Variants in CNBD1 observed in about 807,000 individuals in gnomAD.
CNBD1 encodes cyclic nucleotide binding domain containing 1, also known as cyclic nucleotide-binding domain-containing protein 1.
CNBD1 carries 71 observed loss-of-function variants against 54.4 expected under a neutral mutation model. The ratio of observed to expected loss-of-function variants is 1.30; its 90% CI spans 1.08 to 1.59. The LOEUF (loss-of-function observed/expected upper bound fraction) is 1.59. CNBD1 is among the 40% of genes most tolerant of loss of function. The pLI is 0.00. For synonymous variants in CNBD1, 182 were observed against 170.7 expected (o/e 1.07, Z -0.51); for missense variants, 659 against 518.0 (o/e 1.27, Z -2.64).
chr8:87,037,925 T>C (rs1375601291), intron 4 of CNBD1, among the ~76,000 whole-genome samples: 1 of 152,176 alleles, frequency 6.6e-6, no homozygotes, highest in Non-Finnish European at 1.5e-5. Flanking sequence ...TACTGAGGAA[T>C]TTCAGTGTCT....
At chr8:87,277,185 A>T (rs1363049526) in intron 6 of CNBD1, among the ~76,000 whole-genome samples, 1 of 151,646 alleles carries the variant, frequency 6.6e-6, no homozygotes. Context: ...GTGATGTCCA[A>T]GTTTCAGTAT....
At chr8:86,977,207 C>G (rs1563844727) in intron 4 of CNBD1, among the ~76,000 whole-genome samples, 1 of 152,096 alleles carries the variant, frequency 6.6e-6, no homozygotes. Flanking sequence ...TTTAAAAATT[C>G]CAACAAATTC....
chr8:87,092,450 T>TAC (rs1310399495), intron 4 of CNBD1, among the ~76,000 whole-genome samples: 1 of 146,392 alleles, frequency 6.8e-6, no homozygotes, highest in Non-Finnish European at 1.5e-5. Flanking sequence ...TGTATATATA[T>TAC]ACACATATGT....
chr8:87,276,705 T>G (rs1808487684), intron 6 of CNBD1, among the ~76,000 whole-genome samples: 1 of 151,806 alleles, frequency 6.6e-6, no homozygotes, highest in Non-Finnish European at 1.5e-5. Context: ...TGAAGAGCAA[T>G]CAAGGGAACC....
intron 5 of CNBD1, among the ~76,000 whole-genome samples, chr8:87,220,896 A>G (rs553157930): frequency 6.6e-6 from 1 of 152,220 alleles, no homozygotes; most frequent in African/African-American, 2.4e-5. Context: ...TCAGAAATAT[A>G]TCATCCCAGT....
chr8:87,372,258 A>G (rs2337038), intron 10 of CNBD1, among the ~76,000 whole-genome samples: 2,276 of 152,156 alleles, frequency 0.015, 59 homozygotes, highest in African/African-American at 0.049. Flanking sequence ...AGAGAAAAAA[A>G]TACCTAGTGC....
chr8:87,185,831 TC>T (rs1363001919), intron 4 of CNBD1, among the ~76,000 whole-genome samples: 1 of 152,162 alleles, frequency 6.6e-6, no homozygotes, highest in Non-Finnish European at 1.5e-5. Flanking sequence ...ACAATAATTT[TC>T]TCTGGGAACT....
At chr8:87,356,729 A>G (rs1489379564) in intron 10 of CNBD1, among the ~76,000 whole-genome samples, 1 of 152,182 alleles carries the variant, frequency 6.6e-6, no homozygotes, top group African/African-American at 2.4e-5. Context: ...CTAGAGAGAA[A>G]TTTAAATGCA....
intron 3 of CNBD1, among the ~76,000 whole-genome samples, chr8:86,926,777 G>A (rs1809368261): frequency 6.6e-6 from 1 of 152,206 alleles, no homozygotes; most frequent in Admixed American, 6.5e-5. Flanking sequence ...AGTAAGGACA[G>A]ACCCTGTCAT....
intron 6 of CNBD1, among the ~76,000 whole-genome samples, chr8:87,250,422 C>T (rs1347900948): frequency 6.6e-6 from 1 of 152,002 alleles, no homozygotes; most frequent in East Asian, 1.9e-4. Context: ...GGGAGTTCCT[C>T]AAAAATATAA....
intron 3 of CNBD1, among the ~76,000 whole-genome samples, chr8:86,918,488 G>A (rs1463106797): frequency 2.6e-5 from 4 of 152,092 alleles, no homozygotes; most frequent in Non-Finnish European, 5.9e-5. Flanking sequence ...ATTCCCATGT[G>A]TTGTGGGGAG....
intron 6 of CNBD1, among the ~76,000 whole-genome samples, chr8:87,272,072 G>A (rs372163128): frequency 1.3e-5 from 2 of 152,004 alleles, no homozygotes; most frequent in South Asian, 4.1e-4. Context: ...TAGGCTGGTG[G>A]TTATCAGAGG....
intron 10 of CNBD1, among the ~76,000 whole-genome samples, chr8:87,359,145 C>T (rs532794592): frequency 6.6e-6 from 1 of 152,154 alleles, no homozygotes; most frequent in Non-Finnish European, 1.5e-5. Flanking sequence ...TTAATAGAAT[C>T]TCCTTTGTCA....
chr8:87,421,858 C>T lies in CNBD1; in HGVS notation c.214-6688C>T, dbSNP rs1282733029. ...CCCTGAGGAATCGCCACACTGACTT[C>T]CACAATGGTTGAACTAGTTTACAGT... On this transcript the variant is annotated intron_variant, in intron 2 of 7. Coordinates refer to the CNBD1 transcript ENST00000521593. Among the ~76,000 whole-genome samples, 18 of 142,990 alleles carry T rather than the reference C, an allele frequency of 1.3e-4. No homozygotes were observed. The East Asian group carries it at 2.6e-3, about 21-fold the overall frequency. 93.8% of individuals were successfully genotyped at this position (142,990 alleles called of 152,430 possible).
chr8:87,284,826 A>C lies in CNBD1; in HGVS notation c.909+11A>C. 3 of 1,546,120 alleles carry C rather than the reference A, an allele frequency of 1.9e-6. No individual in the cohort carries two copies. In the East Asian group the frequency reaches 7.2e-5, roughly 37 times the overall value. ...GCAAAGATAAAGGAGGTAAGATGAT[A>C]TCTAATATTTTATATAAACAAAAAT... is the stretch of plus-strand genomic sequence containing the variant. On this transcript the variant is annotated intron_variant, in intron 7 of 10. Transcript: ENST00000518476.
intron 4 of CNBD1, among the ~76,000 whole-genome samples, chr8:87,106,190 CCTTTT>C (rs1563470866): frequency 1.3e-5 from 2 of 148,798 alleles, no homozygotes; most frequent in African/African-American, 4.9e-5. Flanking sequence ...CCTTTCCTTT[CCTTTT>C]CTTTTTCTTT....
intron 3 of CNBD1, among the ~76,000 whole-genome samples, chr8:86,927,400 A>G (rs958949877): frequency 1.3e-5 from 2 of 152,086 alleles, no homozygotes; most frequent in Non-Finnish European, 2.9e-5. Context: ...TGTTTGTTAA[A>G]CAGGGAGAAG....
chr8:86,991,353 A>C (rs1808742592), intron 4 of CNBD1, among the ~76,000 whole-genome samples: 2 of 151,774 alleles, frequency 1.3e-5, no homozygotes, highest in Non-Finnish European at 2.9e-5. Context: ...TTATGATTGT[A>C]CTTATTCAGA....
chr8:86,886,882 G>T (rs1238680003), intron 1 of CNBD1, among the ~76,000 whole-genome samples: 1 of 152,094 alleles, frequency 6.6e-6, no homozygotes, highest in Non-Finnish European at 1.5e-5. Context: ...AATATGCAAT[G>T]CTCTATCTTC....
Sources: gnomAD v4.1 joint callset for allele counts (sites outside exome capture counted in the v4.1 genomes callset) on GRCh38, gnomAD v4.1.1 for gene constraint, MANE v1.5 for transcripts, NCBI Gene and HGNC (gene_info 2026-07-23, HGNC 2026-07-21) for gene names.